CDH13: variants seen among roughly 807,000 people sequenced by gnomAD.
CDH13 encodes the protein cadherin 13, also known as cadherin-13.
A neutral mutation model predicts 63.8 loss-of-function variants in CDH13; 24 were observed. That is an observed-to-expected ratio of 0.38 (90% CI 0.27 to 0.53). The LOEUF (loss-of-function observed/expected upper bound fraction) is 0.53, where lower values mean the gene tolerates loss of function less well. CDH13 is among the 20% of genes least tolerant of loss of function. CDH13 has a pLI of 0.85. For synonymous variants in CDH13, 503 were observed against 355.3 expected, an observed-to-expected ratio of 1.42 and a Z score of -4.67; for missense variants, 1,049 against 903.1, an observed-to-expected ratio of 1.16 and a Z score of -2.07.
chr16:83,787,626 C>T (rs1915974242), intron 13 of CDH13, among the ~76,000 whole-genome samples: 1 of 152,154 alleles, frequency 6.6e-6, no homozygotes, highest in Admixed American at 6.6e-5. Context: ...CAAAGACCAG[C>T]ACTTAGAAGC....
intron 6 of CDH13, among the ~76,000 whole-genome samples, chr16:83,438,918 G>C (rs1488720451): frequency 6.6e-6 from 1 of 152,178 alleles, no homozygotes; most frequent in Non-Finnish European, 1.5e-5. Context: ...ATTTCAAATG[G>C]AGGAATTATT....
At chr16:83,561,876 C>G (rs1003720507) in intron 7 of CDH13, among the ~76,000 whole-genome samples, 3 of 152,134 alleles carry the variant, frequency 2.0e-5, no homozygotes, top group Admixed American at 1.3e-4. Context: ...TCTGACTAAA[C>G]TGAAGACAGA....
At chr16:83,637,308 AGCGCTCCCAGC>A (rs1468193187) in intron 8 of CDH13, among the ~76,000 whole-genome samples, 3 of 5,720 alleles carry the variant, frequency 5.2e-4, no homozygotes, top group East Asian at 0.25. Context: ...TCCCAGCGTG[AGCGCTCCCAGC>A]GTGAGCTACG....
intron 5 of CDH13, among the ~76,000 whole-genome samples, chr16:83,310,901 G>T (rs2089985382): frequency 6.6e-6 from 1 of 152,218 alleles, no homozygotes; most frequent in African/African-American, 2.4e-5. Flanking sequence ...AGGAATTAAT[G>T]TAGCAGTCAG....
At chr16:83,359,189 G>A (rs180925170) in intron 6 of CDH13, among the ~76,000 whole-genome samples, 1 of 152,110 alleles carries the variant, frequency 6.6e-6, no homozygotes, top group African/African-American at 2.4e-5. Flanking sequence ...GGTTGAGATG[G>A]CTGATTCCCA....
chr16:83,388,069 C>T (rs1405197962), intron 6 of CDH13, among the ~76,000 whole-genome samples: 1 of 151,984 alleles, frequency 6.6e-6, no homozygotes, highest in Non-Finnish European at 1.5e-5. Flanking sequence ...TGACAGAGAC[C>T]AAGAATCCGG....
intron 10 of CDH13, among the ~76,000 whole-genome samples, chr16:83,692,434 T>C (rs1341409683): frequency 6.6e-6 from 1 of 152,176 alleles, no homozygotes; most frequent in Non-Finnish European, 1.5e-5. Flanking sequence ...CAGGGATGGC[T>C]TTGCCTGCTG....
At chr16:83,277,490 A>G (rs1465098588) in intron 5 of CDH13, among the ~76,000 whole-genome samples, 2 of 152,186 alleles carry the variant, frequency 1.3e-5, no homozygotes, top group African/African-American at 4.8e-5. Flanking sequence ...AAAAGGGCAA[A>G]GATTTCTTAA....
chr16:83,428,905 G>A (rs981433795), intron 6 of CDH13, among the ~76,000 whole-genome samples: 2 of 152,160 alleles, frequency 1.3e-5, no homozygotes, highest in Non-Finnish European at 2.9e-5. Flanking sequence ...TGTTGCACTG[G>A]GCCAATCCAT....
intron 2 of CDH13, among the ~76,000 whole-genome samples, chr16:83,024,419 A>T (rs1362543587): frequency 4.6e-5 from 7 of 152,202 alleles, no homozygotes; most frequent in Non-Finnish European, 8.8e-5. Context: ...TGGCAATGAA[A>T]TTGTGAGTCT....
chr16:83,430,965 C>G (rs1249019721), intron 6 of CDH13, among the ~76,000 whole-genome samples: 1 of 130,984 alleles, frequency 7.6e-6, no homozygotes, highest in African/African-American at 2.8e-5. Flanking sequence ...CATCCCTCCC[C>G]CCTCCCCCCA....
At chr16:83,214,301 C>T (rs576267333) in intron 4 of CDH13, among the ~76,000 whole-genome samples, 17 of 152,000 alleles carry the variant, frequency 1.1e-4, no homozygotes, top group South Asian at 4.2e-4. Context: ...AAACCTAGGC[C>T]GGACGTGGTG....
chr16:82,858,219 A>G, intron 1 of CDH13, 143 bp from the exon 2 acceptor site: 2 of 602,840 alleles, frequency 3.3e-6, no homozygotes, highest in Non-Finnish European at 6.0e-6. Flanking sequence ...GTTGGCAGCC[A>G]CTGGAGAAGT....
chr16:83,129,785 T>C (rs1019978302), intron 4 of CDH13, among the ~76,000 whole-genome samples: 4 of 152,250 alleles, frequency 2.6e-5, no homozygotes, highest in African/African-American at 9.6e-5. Flanking sequence ...AGTCTGCTGG[T>C]CTGCACTGAA....
chr16:82,720,653 G>A (rs150741901), intron 1 of CDH13, among the ~76,000 whole-genome samples: 1 of 151,834 alleles, frequency 6.6e-6, no homozygotes, highest in Non-Finnish European at 1.5e-5. Context: ...TCCACACACA[G>A]GGTGGTCTGG....
intron 10 of CDH13, chr16:83,721,808 C>T (rs1909731125): frequency 6.6e-6 from 1 of 152,242 alleles, no homozygotes; most frequent in Non-Finnish European, 1.5e-5. Flanking sequence ...CAGGACAAGA[C>T]AGAGTTTGAA....
rs1459940463 is a variant in CDH13, at chr16:82,797,639, C to T, written c.46-60723C>T. ...GCAAACACATGTTGATTCTCATTTA[C>T]CTGTTTAGGAAAAAAAAATTTAGAT... is the stretch of plus-strand genomic sequence containing the variant. On this transcript the variant is annotated intron_variant, in intron 1 of 13. Coordinates refer to ENST00000567109, the MANE Select transcript of CDH13 (RefSeq NM_001257.5). Among the ~76,000 whole-genome samples, 10 of 152,036 alleles carry T rather than the reference C, an allele frequency of 6.6e-5. 1 individual carries two copies. Among genetic ancestry groups the T allele is most frequent in the Admixed American group, 6.5e-4 (10 of 15,270 alleles).
chr16:83,411,130 T>G lies in CDH13; in HGVS notation c.781+66124T>G, dbSNP rs111943626. Among the ~76,000 whole-genome samples the G allele has an allele frequency of 1.8e-3, 272 of 152,298 alleles. 2 individuals are homozygous for G. The highest frequency in any genetic ancestry group is 5.6e-3 in the African/African-American group (232 of 41,554). On this transcript the variant is annotated intron_variant, in intron 6 of 13. Coordinates refer to ENST00000567109, the MANE Select transcript of CDH13 (RefSeq NM_001257.5). ...GACAGATAGGGTTCTTTCTATGGCT[T>G]AAAGGTGCCAACCTCATTCCTGTCT...
intron 6 of CDH13, among the ~76,000 whole-genome samples, chr16:83,452,473 A>G (rs2072910683): frequency 2.0e-5 from 3 of 152,078 alleles, no homozygotes. Context: ...TTGTTTTTTA[A>G]GGACAAAGGC....
Sources: allele counts gnomAD v4.1 joint callset (sites outside exome capture counted in the v4.1 genomes callset), GRCh38; gene constraint gnomAD v4.1.1; transcripts MANE v1.5; gene names NCBI Gene and HGNC (gene_info 2026-07-23, HGNC 2026-07-21).